VAV3: variants seen among roughly 807,000 people sequenced by gnomAD.
The protein encoded by VAV3 is vav guanine nucleotide exchange factor 3.
In VAV3, 94 loss-of-function variants were observed where a neutral mutation model predicts 131.2. The observed-to-expected ratio is 0.72, with a 90% confidence interval of 0.61 to 0.85. The LOEUF (loss-of-function observed/expected upper bound fraction) is 0.85. Among genes scored for constraint, VAV3 ranks in the 40% least tolerant of loss-of-function variants. The pLI is 0.00. For missense variants in VAV3, 939 were observed against 1,002.7 expected (o/e 0.94, Z 0.86); for synonymous variants, 349 against 342.0 (o/e 1.02, Z -0.22).
intron 1 of VAV3, among the ~76,000 whole-genome samples, chr1:107,918,084 T>C (rs1246893598): frequency 2.0e-5 from 3 of 152,170 alleles, no homozygotes; most frequent in African/African-American, 7.2e-5. Flanking sequence ...AAAACAAAGT[T>C]TCTGCTCTCC....
intron 1 of VAV3, among the ~76,000 whole-genome samples, chr1:107,954,536 T>G (rs1478196759): frequency 5.1e-4 from 2 of 3,932 alleles, no homozygotes; most frequent in African/African-American, 5.4e-4. Flanking sequence ...TGAGGCAAAT[T>G]TTTTTTTTTT....
Position 107,807,419 on chromosome 1 carries a change from G to A in VAV3, c.322-27927C>T, listed in dbSNP as rs190482600. ...CTGATTTATCCTTTGCTCTTATATTGGAAACAGGACTTTTAGAGATACTCT... is the reference window on the plus strand; with the variant it reads ...CTGATTTATCCTTTGCTCTTATATTAGAAACAGGACTTTTAGAGATACTCT... On this transcript the variant is annotated intron_variant, in intron 2 of 26. Coordinates refer to ENST00000370056, the MANE Select transcript of VAV3 (RefSeq NM_006113.5). 2.6e-5 allele frequency among the ~76,000 whole-genome samples: 4 copies of A among 152,194 alleles called. No homozygotes were observed. The East Asian group carries it at 7.7e-4, about 29-fold the overall frequency.
intron 1 of VAV3, among the ~76,000 whole-genome samples, chr1:107,919,344 C>G (rs1206209721): frequency 1.3e-5 from 2 of 152,188 alleles, no homozygotes; most frequent in African/African-American, 2.4e-5. Context: ...TGGACTAATT[C>G]TATTACATGG....
intron 12 of VAV3, among the ~76,000 whole-genome samples, chr1:107,752,148 T>G (rs541572049): frequency 6.6e-6 from 1 of 152,202 alleles, no homozygotes; most frequent in Admixed American, 6.5e-5. Context: ...AACAGGTATA[T>G]AGACCAACAG....
At chr1:107,757,972 C>A (rs1042398530) in intron 10 of VAV3, among the ~76,000 whole-genome samples, 1 of 152,162 alleles carries the variant, frequency 6.6e-6, no homozygotes, top group East Asian at 1.9e-4. Flanking sequence ...AAAATTCACA[C>A]GAGTCCCGGA....
chr1:107,795,249 G>A (rs958798394), intron 2 of VAV3, among the ~76,000 whole-genome samples: 1 of 152,202 alleles, frequency 6.6e-6, no homozygotes, highest in African/African-American at 2.4e-5. Flanking sequence ...TTTTTAAATG[G>A]ACGAAGTTAC....
At chr1:107,842,654 A>T (rs1297027992) in intron 2 of VAV3, among the ~76,000 whole-genome samples, 3 of 152,062 alleles carry the variant, frequency 2.0e-5, no homozygotes, top group Non-Finnish European at 4.4e-5. Context: ...TCTTTTTTTT[A>T]AAACTTAGTT....
At chr1:107,718,102 A>C (rs1180612365) in intron 15 of VAV3, among the ~76,000 whole-genome samples, 1 of 152,148 alleles carries the variant, frequency 6.6e-6, no homozygotes, top group Non-Finnish European at 1.5e-5. Context: ...CCAATATCAT[A>C]CTGAATGGGA....
intron 2 of VAV3, among the ~76,000 whole-genome samples, chr1:107,821,690 G>C (rs1667799210): frequency 6.6e-6 from 1 of 152,206 alleles, no homozygotes; most frequent in African/African-American, 2.4e-5. Flanking sequence ...CTTCCAGCTG[G>C]GGAGTGCACA....
At chr1:107,837,858 C>G (rs1031647352) in intron 2 of VAV3, among the ~76,000 whole-genome samples, 1 of 152,082 alleles carries the variant, frequency 6.6e-6, no homozygotes, top group African/African-American at 2.4e-5. Context: ...GAACTGGACT[C>G]CTACCTATCA....
chr1:107,767,554 G>A (rs578036138), intron 7 of VAV3, among the ~76,000 whole-genome samples: 2 of 152,184 alleles, frequency 1.3e-5, no homozygotes, highest in South Asian at 2.1e-4. Context: ...GTCCTCATTC[G>A]GCCAAAATCA....
In VAV3 at chr1:107,952,485, T is replaced by TATATATATATATACAC. The variant is rs1317970944; in HGVS notation, c.204+12180_204+12181insGTGTATATATATATAT. 7.4e-5 allele frequency among the ~76,000 whole-genome samples: 7 copies of TATATATATATATACAC among 94,404 alleles called. No homozygotes were observed. The East Asian group carries it at 1.0e-3, about 14-fold the overall frequency. The allele number at this position is 94,404 out of a possible 152,430, so 61.9% of individuals were successfully genotyped here. A position where few individuals can be genotyped will look rare whatever the true frequency, so the allele number is the denominator to read the frequency against. On this transcript the variant is annotated intron_variant, in intron 1 of 26. Coordinates refer to ENST00000370056, the MANE Select transcript of VAV3 (RefSeq NM_006113.5). ...ACAAAACTTTATATATATATATATA[T>TATATATATATATACAC]ACACACATAAATTCAACCTAAAAAA...
At chr1:107,630,898 C>T (rs767862892) in intron 20 of VAV3, among the ~76,000 whole-genome samples, 89 of 152,260 alleles carry the variant, frequency 5.8e-4, no homozygotes, top group Non-Finnish European at 4.6e-4. Context: ...TTCCAGATTA[C>T]GCCATTGAGT....
At chr1:107,887,540 C>T (rs1046326161) in intron 1 of VAV3, among the ~76,000 whole-genome samples, 3 of 152,158 alleles carry the variant, frequency 2.0e-5, no homozygotes, top group Non-Finnish European at 2.9e-5. Context: ...CTTCTATCTC[C>T]GTGATAAATG....
intron 24 of VAV3, among the ~76,000 whole-genome samples, chr1:107,601,650 A>G (rs1651874370): frequency 6.6e-6 from 1 of 152,194 alleles, no homozygotes; most frequent in Middle Eastern, 3.2e-3. Context: ...AACATACTTG[A>G]GACCACTTAA....
intron 2 of VAV3, among the ~76,000 whole-genome samples, chr1:107,839,286 TTACTGAATAAAACA>T (rs1182645057): frequency 6.6e-6 from 1 of 152,142 alleles, no homozygotes; most frequent in Non-Finnish European, 1.5e-5. Flanking sequence ...ATAAAAATAA[TTACTGAATAAAACA>T]TACCTTAACA....
intron 19 of VAV3, among the ~76,000 whole-genome samples, chr1:107,678,978 G>C (rs2101716060): frequency 6.6e-6 from 1 of 152,184 alleles, no homozygotes; most frequent in East Asian, 1.9e-4. Flanking sequence ...AGAACTTTGT[G>C]TCTATATCTA....
intron 19 of VAV3, among the ~76,000 whole-genome samples, chr1:107,663,606 G>T (rs1392734254): frequency 6.6e-6 from 1 of 152,104 alleles, no homozygotes; most frequent in Non-Finnish European, 1.5e-5. Context: ...CCTATAAAGT[G>T]GTCAGAGCTT....
chr1:107,613,076 G>C (rs1373261553), intron 21 of VAV3, among the ~76,000 whole-genome samples: 5 of 152,120 alleles, frequency 3.3e-5, no homozygotes, highest in Non-Finnish European at 5.9e-5. Context: ...CTATTCAACA[G>C]TTACCAGAAG....
Sources: allele counts gnomAD v4.1 joint callset (sites outside exome capture counted in the v4.1 genomes callset), GRCh38; gene constraint gnomAD v4.1.1; transcripts MANE v1.5; gene names NCBI Gene and HGNC (gene_info 2026-07-23, HGNC 2026-07-21).